The following PITPNM2 variants were observed in gnomAD, a reference collection of about 807,000 sequenced individuals.
The protein encoded by PITPNM2 is phosphatidylinositol transfer protein membrane associated 2, also known as membrane-associated phosphatidylinositol transfer protein 2.
Under a neutral mutation model 132.2 loss-of-function variants are expected in PITPNM2, and 35 were observed. The observed-to-expected ratio is 0.26, with a 90% CI of 0.20 to 0.35. The LOEUF is 0.35. PITPNM2 is among the 10% of genes least tolerant of loss of function. The pLI, the probability that PITPNM2 is intolerant of heterozygous loss-of-function variation, is 1.00. For synonymous variants in PITPNM2, 738 were observed against 799.2 expected, an observed-to-expected ratio of 0.92 and a Z score of 1.29; for missense variants, 1,332 against 1,912.0, an observed-to-expected ratio of 0.70 and a Z score of 5.66.
chr12:123,109,057 C>T (rs999711978), intron 2 of PITPNM2, among the ~76,000 whole-genome samples: 1 of 152,150 alleles, frequency 6.6e-6, no homozygotes, highest in African/African-American at 2.4e-5. Flanking sequence ...AAAAAGGGAC[C>T]CTAACAGGCA....
intron 1 of PITPNM2, among the ~76,000 whole-genome samples, chr12:123,113,281 G>A (rs2042876200): frequency 1.3e-5 from 2 of 152,228 alleles, no homozygotes; most frequent in African/African-American, 2.4e-5. Context: ...AGACCCATAC[G>A]TATGGTAGGT....
At position 123,000,787 on chromosome 12, in the gene PITPNM2, G is replaced by A. The variant is rs1365636110; in HGVS notation, c.1215C>T (p.Asn405=). 1 of 1,614,038 alleles carries A rather than the reference G, an allele frequency of 6.2e-7. No individual in the cohort carries two copies. The highest frequency in any genetic ancestry group is 8.5e-7 in the Non-Finnish European group (1 of 1,180,024). ...FRVASSVEQL[N]IIEDEVSQPL... ...ACACCCGGGCACCCACCTCTATGATGTTCAGCTGCTCCACACTGGAGGCCA... is the reference window on the plus strand; with the variant it reads ...ACACCCGGGCACCCACCTCTATGATATTCAGCTGCTCCACACTGGAGGCCA... Residue 405 remains asparagine (N), a synonymous_variant, in exon 10 of 26, where the codon AAC becomes AAT. Transcript: ENST00000320201. This position sits in a 1 kb window ranked among gnomAD's most constrained non-coding sequence, Gnocchi z 5.4.
chr12:123,057,097 C>T (rs1025829357), intron 2 of PITPNM2, among the ~76,000 whole-genome samples: 2 of 152,086 alleles, frequency 1.3e-5, no homozygotes, highest in African/African-American at 4.8e-5. Flanking sequence ...AATCTAAATT[C>T]AGGCCAGGCG....
Position 123,022,160 on chromosome 12 carries a change from C to T in PITPNM2, c.79-8118G>A, listed in dbSNP as rs2039694814. On this transcript the variant is annotated intron_variant, in intron 3 of 25. Transcript: ENST00000320201. The surrounding 1 kb of genome is among the most constrained non-coding windows in gnomAD (Gnocchi z 4.9). Reference sequence around the variant, plus strand: ...TACAGCCAAGAGGTGCGGGGAAGGGCGGTGAGGAGGGGCCAGGCAGCACGG... The same window carrying T: ...TACAGCCAAGAGGTGCGGGGAAGGGTGGTGAGGAGGGGCCAGGCAGCACGG... 6.6e-6 allele frequency among the ~76,000 whole-genome samples: 1 copy of T among 152,210 alleles called. No individual in the cohort carries two copies. Among genetic ancestry groups the T allele is most frequent in the South Asian group, 2.1e-4 (1 of 4,820 alleles).
intron 2 of PITPNM2, among the ~76,000 whole-genome samples, chr12:123,085,966 C>T (rs2042100641): frequency 6.6e-6 from 1 of 152,268 alleles, no homozygotes; most frequent in Non-Finnish European, 1.5e-5. Context: ...CAGGCAGGGG[C>T]TGAGAAGTCT....
At chr12:123,014,757 G>A (rs1280285178) in intron 3 of PITPNM2, among the ~76,000 whole-genome samples, 1 of 152,064 alleles carries the variant, frequency 6.6e-6, no homozygotes, top group Admixed American at 6.6e-5. Flanking sequence ...CATCCAAATT[G>A]GAAAGATAGA....
rs1270536625 is a variant in PITPNM2, at chr12:122,990,847, A to C, written c.2405-138T>G. 3 of 936,872 alleles carry C rather than the reference A, an allele frequency of 3.2e-6. No individual in the cohort carries two copies. In the African/African-American group the frequency reaches 5.0e-5, roughly 16 times the overall value. The allele number at this position is 936,872 out of a possible 1,614,324, so 58.0% of individuals were successfully genotyped here. A position where few individuals can be genotyped will look rare whatever the true frequency, so the allele number is the denominator to read the frequency against. ...GCAGCTGTGCCAGAGCCACCTGCTC[A>C]GGGCCGTGAGAGGAAGGGGCCCAGA... On this transcript the variant is annotated intron_variant, in intron 16 of 25. Transcript: ENST00000320201.
At chr12:123,052,251 C>T (rs1014489779) in intron 2 of PITPNM2, among the ~76,000 whole-genome samples, 7 of 151,880 alleles carry the variant, frequency 4.6e-5, no homozygotes, top group African/African-American at 9.7e-5. Flanking sequence ...ATTCTTACCC[C>T]GGAATAGACA....
At chr12:123,043,125 G>C (rs2040548761) in intron 2 of PITPNM2, among the ~76,000 whole-genome samples, 1 of 151,892 alleles carries the variant, frequency 6.6e-6, no homozygotes, top group Non-Finnish European at 1.5e-5. Flanking sequence ...AAGGATTTCT[G>C]GGCTAAGAAA....
intron 2 of PITPNM2, among the ~76,000 whole-genome samples, chr12:123,096,201 T>C (rs567514747): frequency 3.9e-5 from 6 of 152,340 alleles, no homozygotes; most frequent in African/African-American, 1.4e-4. Context: ...TCCCATGTGA[T>C]GGCAGCTCAA....
At chr12:122,995,905 C>T (rs558323686) in intron 13 of PITPNM2, among the ~76,000 whole-genome samples, 1 of 152,180 alleles carries the variant, frequency 6.6e-6, no homozygotes, top group South Asian at 2.1e-4. Context: ...AGAGAGGGGT[C>T]GCCCATCCCA....
intron 2 of PITPNM2, among the ~76,000 whole-genome samples, chr12:123,048,388 TG>T (rs1410970595): frequency 6.6e-6 from 1 of 151,282 alleles, no homozygotes; most frequent in African/African-American, 2.4e-5. Context: ...GAAAGGAGAA[TG>T]GGTAGTTAGT....
intron 2 of PITPNM2, among the ~76,000 whole-genome samples, chr12:123,050,832 A>G (rs530087200): frequency 2.0e-5 from 3 of 152,206 alleles, no homozygotes; most frequent in Non-Finnish European, 4.4e-5. Context: ...CCAGCCGATG[A>G]CAGATCTCAT....
chr12:123,072,730 C>T (rs1592991968), intron 2 of PITPNM2, among the ~76,000 whole-genome samples: 1 of 152,306 alleles, frequency 6.6e-6, no homozygotes, highest in Non-Finnish European at 1.5e-5. Context: ...TTCAGGATGC[C>T]GAAGGCAGCA....
intron 3 of PITPNM2, among the ~76,000 whole-genome samples, chr12:123,020,405 G>C (rs2039619774): frequency 6.6e-6 from 1 of 152,176 alleles, no homozygotes; most frequent in Non-Finnish European, 1.5e-5. Context: ...ACAGGAGTGA[G>C]CCACTGTGCC....
chr12:122,992,802 AT>A lies in PITPNM2; in HGVS notation c.2234-134del, dbSNP rs2038252280. On this transcript the variant is annotated intron_variant, in intron 15 of 25. Coordinates refer to ENST00000320201, the MANE Select transcript of PITPNM2 (RefSeq NM_020845.3). The surrounding 1 kb of genome is among the most constrained non-coding windows in gnomAD (Gnocchi z 6.5). ...TAAGATGGGGGGTGTGTCTCTATCAATTTGGGACCTGTTTGGGTCATTGTCA... is the reference window on the plus strand; with the variant it reads ...TAAGATGGGGGGTGTGTCTCTATCAATTGGGACCTGTTTGGGTCATTGTCA... The A allele has an allele frequency of 1.5e-6, 1 of 651,212 alleles. No homozygotes were observed. 40.3% of individuals were successfully genotyped at this position (651,212 alleles called of 1,614,324 possible).
intron 2 of PITPNM2, chr12:123,092,175 CA>C (rs57591659): frequency 6.6e-6 from 1 of 152,304 alleles, no homozygotes; most frequent in East Asian, 1.9e-4. Flanking sequence ...CCCCTGGGTC[CA>C]GCCTTGGGCC....
rs754647863 is a variant in PITPNM2, at chr12:122,992,378, A to T, written c.2404+121T>A. 1.3e-4 allele frequency: 102 copies of T among 777,360 alleles called. No individual in the cohort carries two copies. The highest frequency in any genetic ancestry group is 1.7e-4 in the Non-Finnish European group (94 of 567,054). The allele number at this position is 777,360 out of a possible 1,614,324, so 48.2% of individuals were successfully genotyped here. A position where few individuals can be genotyped will look rare whatever the true frequency, so the allele number is the denominator to read the frequency against. ...CAACAGCTGTCCACCTCCAAGAGGCATTCAGCACAAGCTGTCCCTCTCACC... is the reference window on the plus strand; with the variant it reads ...CAACAGCTGTCCACCTCCAAGAGGCTTTCAGCACAAGCTGTCCCTCTCACC... On this transcript the variant is annotated intron_variant, in intron 16 of 25. Transcript: ENST00000320201. The surrounding 1 kb of genome is among the most constrained non-coding windows in gnomAD (Gnocchi z 6.5).
chr12:123,128,870 C>A (rs2043203582), intron 1 of PITPNM2, among the ~76,000 whole-genome samples: 1 of 152,138 alleles, frequency 6.6e-6, no homozygotes, highest in Non-Finnish European at 1.5e-5. Flanking sequence ...GGCCAGTGGG[C>A]TCACGCCTGT....
Sources: gnomAD v4.1 joint callset for allele counts (sites outside exome capture counted in the v4.1 genomes callset) on GRCh38, gnomAD v4.1.1 for gene constraint, Gnocchi (gnomAD v3.1) non-coding constraint, MANE v1.5 for transcripts, NCBI Gene and HGNC (gene_info 2026-07-23, HGNC 2026-07-21) for gene names.